Variants in TANC1 observed in about 807,000 individuals in gnomAD.
TANC1 encodes the protein protein TANC1.
TANC1 carries 77 observed loss-of-function variants against 149.7 expected under a neutral mutation model. That is an observed-to-expected ratio of 0.51 (90% CI 0.43 to 0.62). TANC1 has a LOEUF of 0.62. Among genes scored for constraint, TANC1 ranks in the 20% least tolerant of loss-of-function variants. The pLI is 0.00. For synonymous variants in TANC1, 854 were observed against 925.0 expected (o/e 0.92, Z 1.39); for missense variants, 1,985 against 2,321.8 (o/e 0.85, Z 2.98).
At chr2:159,003,819 C>T (rs1304574066) in intron 2 of TANC1, among the ~76,000 whole-genome samples, 1 of 152,206 alleles carries the variant, frequency 6.6e-6, no homozygotes, top group Non-Finnish European at 1.5e-5. Context: ...TTGGAGGACC[C>T]TCCCTGCTTC....
intron 2 of TANC1, among the ~76,000 whole-genome samples, chr2:159,005,851 G>T (rs78539009): frequency 1.3e-5 from 2 of 151,920 alleles, no homozygotes; most frequent in African/African-American, 2.4e-5. Flanking sequence ...TATTTTTTAG[G>T]ATATTTGATG....
intron 1 of TANC1, among the ~76,000 whole-genome samples, chr2:158,977,318 A>T (rs72953169): frequency 0.026 from 3,915 of 148,936 alleles, 80 homozygotes; most frequent in Non-Finnish European, 0.042. Flanking sequence ...TTAAAAAAAA[A>T]TTTTTTTTTT....
chr2:159,161,702 A>G (rs1359214455), intron 7 of TANC1, among the ~76,000 whole-genome samples: 2 of 152,206 alleles, frequency 1.3e-5, no homozygotes, highest in African/African-American at 2.4e-5. Context: ...CTATTTAAAA[A>G]CACAAGGAAG....
chr2:159,204,555 C>T (rs2058472507), intron 19 of TANC1, among the ~76,000 whole-genome samples: 1 of 152,180 alleles, frequency 6.6e-6, no homozygotes, highest in East Asian at 1.9e-4. Context: ...GGCAGTCGTC[C>T]TGCCCTGTCG....
intron 7 of TANC1, among the ~76,000 whole-genome samples, chr2:159,158,120 C>A (rs2150366742): frequency 6.6e-6 from 1 of 152,226 alleles, no homozygotes; most frequent in South Asian, 2.1e-4. Flanking sequence ...CCATGTGAGG[C>A]TGAGGTGGGA....
intron 4 of TANC1, among the ~76,000 whole-genome samples, chr2:159,126,701 A>G (rs545854058): frequency 7.2e-5 from 11 of 152,346 alleles, no homozygotes; most frequent in Non-Finnish European, 1.5e-4. Flanking sequence ...GATTAAGACA[A>G]TTCATTGCTT....
intron 2 of TANC1, among the ~76,000 whole-genome samples, chr2:159,059,930 G>GTGTGTGTGTT (rs3058724): frequency 8.0e-6 from 1 of 125,090 alleles, no homozygotes; most frequent in South Asian, 2.4e-4. Context: ...GTGTGTGTGT[G>GTGTGTGTGTT]GTTTTTTGTT....
chr2:159,101,255 G>A (rs2046666196), intron 4 of TANC1, among the ~76,000 whole-genome samples: 1 of 152,138 alleles, frequency 6.6e-6, no homozygotes, highest in African/African-American at 2.4e-5. Flanking sequence ...GTTAGGGACT[G>A]GAACAATTAT....
At chr2:159,211,016 G>A (rs990535080) in intron 19 of TANC1, among the ~76,000 whole-genome samples, 5 of 151,740 alleles carry the variant, frequency 3.3e-5, no homozygotes, top group African/African-American at 4.8e-5. Flanking sequence ...GATTATAGGC[G>A]CGTGCCACCA....
At chr2:159,043,077 T>C (rs2040779365) in intron 2 of TANC1, among the ~76,000 whole-genome samples, 1 of 152,142 alleles carries the variant, frequency 6.6e-6, no homozygotes, top group South Asian at 2.1e-4. Context: ...ATAGTGAGCA[T>C]CTGAGGAAGG....
In TANC1 at chr2:159,097,721, A is replaced by T. The variant is rs1410808191; in HGVS notation, c.146A>T (p.Glu49Val). The change falls in exon 4 of 27, where the codon GAG (glutamate) becomes GTG (valine). Residue 49 changes from glutamate (E) to valine (V), a missense_variant. Transcript: ENST00000263635. ...DSPVSSLPTA[E>V]DTYRVSLAKG... ...CCTGTGAGCAGTCTTCCCACAGCAG[A>T]GGACACCTATAGGGTGAGCTTGGCC... 1.2e-6 allele frequency: 2 copies of T among 1,614,190 alleles called. No individual in the cohort carries two copies. The highest frequency in any genetic ancestry group is 1.7e-6 in the Non-Finnish European group (2 of 1,180,028).
chr2:159,070,229 T>G (rs879342153), intron 3 of TANC1, among the ~76,000 whole-genome samples: 1 of 152,236 alleles, frequency 6.6e-6, no homozygotes, highest in Admixed American at 6.5e-5. Context: ...ACATTCCATT[T>G]AATCCCTAAT....
At chr2:159,113,065 G>C (rs2150036753) in intron 4 of TANC1, among the ~76,000 whole-genome samples, 1 of 152,220 alleles carries the variant, frequency 6.6e-6, no homozygotes, top group Non-Finnish European at 1.5e-5. Flanking sequence ...CTCCCAAGTA[G>C]CTGGGACTAC....
Position 159,170,657 on chromosome 2 carries a change from C to T in TANC1, c.1203C>T (p.Asn401=), listed in dbSNP as rs1448331936. ...ACCAGATAGAAGAAAACTTGAGGAA[C>T]ACAGAACTGGCAGAAAACAGAGGCG... is the stretch of plus-strand genomic sequence containing the variant. ...LFHQIEENLR[N]TELAENRGAV... is the part of the protein sequence containing the mutation. Residue 401 remains asparagine (N), a synonymous_variant, in exon 10 of 27, where the codon AAC becomes AAT. Coordinates refer to ENST00000263635, the MANE Select transcript of TANC1 (RefSeq NM_033394.3). The T allele has an allele frequency of 1.2e-6, 2 of 1,614,098 alleles. No individual in the cohort carries two copies. Among genetic ancestry groups the T allele is most frequent in the Admixed American group, 1.7e-5 (1 of 60,022 alleles).
At chr2:159,002,263 TC>T (rs2036677353) in intron 2 of TANC1, among the ~76,000 whole-genome samples, 1 of 152,108 alleles carries the variant, frequency 6.6e-6, no homozygotes, top group Non-Finnish European at 1.5e-5. Flanking sequence ...TGCCCTTTCT[TC>T]CTGCTGGCCT....
intron 2 of TANC1, among the ~76,000 whole-genome samples, chr2:159,058,816 TTTG>T (rs1432912544): frequency 8.3e-6 from 1 of 120,774 alleles, no homozygotes; most frequent in African/African-American, 3.2e-5. Context: ...GGTAAGGTGT[TTTG>T]TTTGTTTGTT....
intron 4 of TANC1, among the ~76,000 whole-genome samples, chr2:159,128,597 A>G (rs889910): frequency 0.93 from 141,019 of 152,196 alleles, 66,107 homozygotes; most frequent in Non-Finnish European, 0.99. Context: ...GTGTCTTTGG[A>G]CGGTGCCTTC....
chr2:159,105,630 G>A (rs931198504), intron 4 of TANC1, among the ~76,000 whole-genome samples: 1 of 152,156 alleles, frequency 6.6e-6, no homozygotes, highest in Non-Finnish European at 1.5e-5. Flanking sequence ...GGTCGCTCCT[G>A]CTTTGTTTCT....
chr2:158,981,883 A>G (rs1331562874), intron 1 of TANC1, among the ~76,000 whole-genome samples: 1 of 152,102 alleles, frequency 6.6e-6, no homozygotes, highest in Non-Finnish European at 1.5e-5. Context: ...TTTTCATGAT[A>G]AATGCTTATG....
Sources: gnomAD v4.1 joint callset for allele counts (sites outside exome capture counted in the v4.1 genomes callset) on GRCh38, gnomAD v4.1.1 for gene constraint, MANE v1.5 for transcripts, NCBI Gene and HGNC (gene_info 2026-07-23, HGNC 2026-07-21) for gene names.